Variants in DNAJC12 observed in about 807,000 individuals in gnomAD.
The protein encoded by DNAJC12 is dnaJ homolog subfamily C member 12.
In DNAJC12, 25 loss-of-function variants were observed where a neutral mutation model predicts 28.5. That is an observed-to-expected ratio of 0.88 (90% CI 0.64 to 1.22). The LOEUF (loss-of-function observed/expected upper bound fraction) is 1.22, where lower values mean the gene tolerates loss of function less well. Among genes scored for constraint, DNAJC12 ranks in the 50% most tolerant of loss-of-function variants. The pLI is 0.00. For missense variants in DNAJC12, 222 were observed against 231.7 expected (o/e 0.96, Z 0.27); for synonymous variants, 77 against 80.6 (o/e 0.95, Z 0.24).
chr10:67,816,933 A>G (rs1841922451), intron 2 of DNAJC12, among the ~76,000 whole-genome samples: 1 of 152,144 alleles, frequency 6.6e-6, no homozygotes, highest in Non-Finnish European at 1.5e-5. Flanking sequence ...CGCTGGCATG[A>G]GCACCAGCCA....
intron 2 of DNAJC12, among the ~76,000 whole-genome samples, chr10:67,819,872 G>A (rs1841966553): frequency 6.6e-6 from 1 of 151,964 alleles, no homozygotes; most frequent in Admixed American, 6.6e-5. Flanking sequence ...GTCCTCTTCA[G>A]TAAGTGCCAT....
intron 2 of DNAJC12, among the ~76,000 whole-genome samples, chr10:67,822,833 CA>C (rs557603216): frequency 6.7e-4 from 94 of 141,022 alleles, no homozygotes; most frequent in Admixed American, 8.5e-4. Flanking sequence ...TAAAAAAATA[CA>C]AAAAAAAAAA....
chr10:67,832,897 T>G (rs1182903924), intron 1 of DNAJC12, among the ~76,000 whole-genome samples: 2 of 152,200 alleles, frequency 1.3e-5, no homozygotes, highest in African/African-American at 4.8e-5. Context: ...ATCCATTTCA[T>G]GCACCCCCAC....
In DNAJC12 at chr10:67,812,897, C is replaced by A. The variant is rs1263310531; in HGVS notation, c.158-1234G>T. 2.6e-5 allele frequency among the ~76,000 whole-genome samples: 4 copies of A among 151,674 alleles called. No individual in the cohort carries two copies. In the East Asian group the frequency reaches 7.8e-4, roughly 30 times the overall value. On this transcript the variant is annotated intron_variant, in intron 2 of 4. Transcript: ENST00000225171. ...AGTAGCCAGGCACGGTGGCCCAGGC[C>A]TGTAATCCCAGCTACTCAGGAGCCT...
At chr10:67,829,590 G>A (rs1216724707) in intron 1 of DNAJC12, among the ~76,000 whole-genome samples, 1 of 152,224 alleles carries the variant, frequency 6.6e-6, no homozygotes, top group African/African-American at 2.4e-5. Context: ...GCAGTGAGCC[G>A]AGATTGCGCC....
chr10:67,811,757 C>A, intron 2 of DNAJC12, 94 bp from the exon 3 acceptor site: 2 of 1,514,872 alleles, frequency 1.3e-6, no homozygotes, highest in Non-Finnish European at 1.8e-6. Context: ...ACCATGACTG[C>A]CACTTAATAG....
intron 1 of DNAJC12, among the ~76,000 whole-genome samples, chr10:67,835,876 G>T (rs1038768421): frequency 6.6e-6 from 1 of 152,110 alleles, no homozygotes; most frequent in African/African-American, 2.4e-5. Context: ...AGACAAGGAA[G>T]TATGACTCCA....
chr10:67,797,614 T>G (rs1335893202), intron 4 of DNAJC12, among the ~76,000 whole-genome samples: 2 of 152,212 alleles, frequency 1.3e-5, no homozygotes, highest in Admixed American at 1.3e-4. Context: ...TAATAAGATT[T>G]TTTTTTAGTT....
intron 2 of DNAJC12, among the ~76,000 whole-genome samples, chr10:67,820,561 A>C (rs1370787256): frequency 2.0e-5 from 3 of 152,182 alleles, no homozygotes; most frequent in Non-Finnish European, 4.4e-5. Flanking sequence ...AAATTTATCA[A>C]GCTCACACTT....
chr10:67,819,646 AAGAAAGAAAGAAAG>A (rs1841951740), intron 2 of DNAJC12, among the ~76,000 whole-genome samples: 1 of 141,436 alleles, frequency 7.1e-6, no homozygotes, highest in Non-Finnish European at 1.5e-5. Flanking sequence ...CAAAAAAAGA[AAGAAAGAAAGAAAG>A]AGAAAGAAAG....
rs1212320080 is a variant in DNAJC12 at position 67,796,906 on chromosome 10, T to G, written c.*210A>C. 9 of 460,666 alleles carry G rather than the reference T, an allele frequency of 2.0e-5. No homozygotes were observed. The highest frequency in any genetic ancestry group is 3.5e-5 in the Non-Finnish European group (9 of 258,336). The allele number at this position is 460,666 out of a possible 1,614,324, so 28.5% of individuals were successfully genotyped here. A position where few individuals can be genotyped will look rare whatever the true frequency, so the allele number is the denominator to read the frequency against. On this transcript the variant is annotated 3_prime_UTR_variant, in exon 5 of 5. Coordinates refer to ENST00000225171, the MANE Select transcript of DNAJC12 (RefSeq NM_021800.3). ...TCTACTCTGTATCTAAGAGCTTTAA[T>G]TTATTCAAATATTGGAAGAAATTCA...
intron 2 of DNAJC12, among the ~76,000 whole-genome samples, chr10:67,815,745 T>C (rs1420540979): frequency 3.3e-5 from 5 of 152,174 alleles, no homozygotes; most frequent in East Asian, 1.9e-4. Context: ...TTGCTACTCA[T>C]GTGGGGCTTG....
chr10:67,802,956 C>T (rs1044669869), intron 4 of DNAJC12, among the ~76,000 whole-genome samples: 3 of 151,426 alleles, frequency 2.0e-5, no homozygotes, highest in African/African-American at 7.3e-5. Context: ...CCCACACACA[C>T]ACCCGGGCTC....
intron 1 of DNAJC12, chr10:67,825,414 CT>C (rs1224447578): frequency 2.0e-5 from 3 of 152,430 alleles, no homozygotes; most frequent in Admixed American, 2.0e-4. Context: ...CATTTCCAAC[CT>C]GGGCAGGTTC....
At chr10:67,811,151 G>T in intron 3 of DNAJC12, 1 of 371,314 alleles carries the variant, frequency 2.7e-6, no homozygotes, top group Non-Finnish European at 3.8e-6. Context: ...AAGAGAGCAA[G>T]CTGACATAAA....
intron 1 of DNAJC12, among the ~76,000 whole-genome samples, chr10:67,836,367 G>GAAAA (rs74547006): frequency 2.1e-5 from 2 of 96,444 alleles, no homozygotes; most frequent in Non-Finnish European, 2.2e-5. Context: ...AAGTAAAATT[G>GAAAA]AAAAAAAAAA....
intron 2 of DNAJC12, among the ~76,000 whole-genome samples, chr10:67,821,837 G>A (rs1176364571): frequency 6.6e-6 from 1 of 152,124 alleles, no homozygotes; most frequent in African/African-American, 2.4e-5. Context: ...ACAGTGTTTG[G>A]CAATTTCCCA....
At chr10:67,804,555 T>C (rs1461867266) in intron 4 of DNAJC12, among the ~76,000 whole-genome samples, 10 of 152,188 alleles carry the variant, frequency 6.6e-5, no homozygotes, top group Admixed American at 5.2e-4. Flanking sequence ...CCCTATTTTA[T>C]AGATGCAGAA....
chr10:67,821,707 A>C lies in DNAJC12; in HGVS notation c.157+1607T>G, dbSNP rs138124086. Among the ~76,000 whole-genome samples, 454 of 152,302 alleles carry C rather than the reference A, an allele frequency of 3.0e-3. 2 individuals carry two copies. Among genetic ancestry groups the C allele is most frequent in the African/African-American group, 0.011 (439 of 41,580 alleles). ...TAATTAAAAAGAAAAATCTGCAATG[A>C]GAAGCACTTAAAGAATGCTGTAGCA... On this transcript the variant is annotated intron_variant, in intron 2 of 4. Coordinates refer to ENST00000225171, the MANE Select transcript of DNAJC12 (RefSeq NM_021800.3).
Sources: allele counts gnomAD v4.1 joint callset (sites outside exome capture counted in the v4.1 genomes callset), GRCh38; gene constraint gnomAD v4.1.1; transcripts MANE v1.5; gene names NCBI Gene and HGNC (gene_info 2026-07-23, HGNC 2026-07-21).